The following DLGAP2 variants were observed in gnomAD, a reference collection of about 807,000 sequenced individuals.
The protein encoded by DLGAP2 is disks large-associated protein 2.
A neutral mutation model predicts 100.3 loss-of-function variants in DLGAP2; 26 were observed. That is an observed-to-expected ratio of 0.26 (90% confidence interval 0.19 to 0.36). The LOEUF (loss-of-function observed/expected upper bound fraction) is 0.36. Among genes scored for constraint, DLGAP2 ranks in the 10% least tolerant of loss-of-function variants. The pLI is 1.00. For synonymous variants in DLGAP2, 886 were observed against 630.1 expected (o/e 1.41, Z -6.08); for missense variants, 1,858 against 1,453.2 (o/e 1.28, Z -4.53).
At chr8:857,872 ATTT>A (rs35091275) in intron 1 of DLGAP2, among the ~76,000 whole-genome samples, 4 of 147,544 alleles carry the variant, frequency 2.7e-5, no homozygotes, top group Admixed American at 6.7e-5. Context: ...CTTGCACATG[ATTT>A]TTTTTTTTTT....
chr8:1,683,888 G>C (rs1385044669), intron 12 of DLGAP2, among the ~76,000 whole-genome samples: 2 of 108,726 alleles, frequency 1.8e-5, no homozygotes, highest in Non-Finnish European at 3.6e-5. Context: ...GTGTGTGTGT[G>C]TGTGTGTGTA....
At chr8:825,451 C>T (rs6559193) in intron 1 of DLGAP2, among the ~76,000 whole-genome samples, 39,334 of 152,152 alleles carry the variant, frequency 0.26, 5,589 homozygotes, top group African/African-American at 0.37. Flanking sequence ...TTCCTTCCAG[C>T]GGTGAGTGCC....
intron 2 of DLGAP2, among the ~76,000 whole-genome samples, chr8:1,193,231 C>A (rs1009328214): frequency 6.6e-6 from 1 of 152,120 alleles, no homozygotes; most frequent in African/African-American, 2.4e-5. Flanking sequence ...AGTTCTAGAT[C>A]CTTGAGGAAT....
At chr8:1,502,055 A>T (rs1318550921) in intron 4 of DLGAP2, among the ~76,000 whole-genome samples, 1 of 152,242 alleles carries the variant, frequency 6.6e-6, no homozygotes, top group Non-Finnish European at 1.5e-5. Context: ...AAGATGTGAA[A>T]TGTTGAATAC....
intron 6 of DLGAP2, among the ~76,000 whole-genome samples, chr8:1,587,465 T>C (rs987251911): frequency 1.3e-5 from 2 of 152,242 alleles, no homozygotes; most frequent in African/African-American, 4.8e-5. Context: ...TTCTTAGACC[T>C]ATTTGTTGTT....
chr8:802,587 G>A (rs577868083), intron 1 of DLGAP2, among the ~76,000 whole-genome samples: 1 of 152,290 alleles, frequency 6.6e-6, no homozygotes, highest in Admixed American at 6.5e-5. Flanking sequence ...GCTGCATGGC[G>A]GGGTGGGACC....
chr8:1,122,438 T>A (rs1045694379), intron 2 of DLGAP2, among the ~76,000 whole-genome samples: 2 of 152,218 alleles, frequency 1.3e-5, no homozygotes, highest in Non-Finnish European at 2.9e-5. Flanking sequence ...GGAGCTCTGT[T>A]ACTGCCATCC....
At chr8:1,237,589 G>A (rs1450062755) in intron 2 of DLGAP2, among the ~76,000 whole-genome samples, 3 of 143,522 alleles carry the variant, frequency 2.1e-5, no homozygotes, top group Non-Finnish European at 3.0e-5. Context: ...ACCGTGTCTA[G>A]TTCTCTCACA....
chr8:1,037,339 C>A (rs12681827), intron 2 of DLGAP2, among the ~76,000 whole-genome samples: 3,959 of 152,252 alleles, frequency 0.026, 198 homozygotes, highest in East Asian at 0.14. Context: ...CAAGCTCTTC[C>A]CGCCCCTTCA....
chr8:1,075,956 T>C (rs1210456187), intron 2 of DLGAP2, among the ~76,000 whole-genome samples: 1 of 152,086 alleles, frequency 6.6e-6, no homozygotes, highest in African/African-American at 2.4e-5. Flanking sequence ...CAGGATGGTC[T>C]GGGCCTGAGT....
At chr8:1,243,564 A>G (rs1423155791) in intron 2 of DLGAP2, among the ~76,000 whole-genome samples, 1 of 152,064 alleles carries the variant, frequency 6.6e-6, no homozygotes, top group Non-Finnish European at 1.5e-5. Flanking sequence ...CGCTCACGAT[A>G]TATTACAAAA....
chr8:1,459,663 C>G (rs1798417672), intron 3 of DLGAP2, among the ~76,000 whole-genome samples: 1 of 149,376 alleles, frequency 6.7e-6, no homozygotes, highest in African/African-American at 2.5e-5. Context: ...CCCTCTCTGG[C>G]ATTTTAAATT....
At chr8:1,529,770 G>T (rs764044323) in intron 4 of DLGAP2, among the ~76,000 whole-genome samples, 2 of 152,150 alleles carry the variant, frequency 1.3e-5, no homozygotes, top group East Asian at 3.8e-4. Flanking sequence ...TTCCTTAAGC[G>T]TTGGCCAGCT....
intron 2 of DLGAP2, among the ~76,000 whole-genome samples, chr8:921,068 A>G (rs189515916): frequency 3.3e-5 from 5 of 152,316 alleles, no homozygotes; most frequent in African/African-American, 1.2e-4. Flanking sequence ...TAACTTCGCA[A>G]CTTGATGCAG....
chr8:1,484,912 C>T (rs1023238836), intron 3 of DLGAP2, among the ~76,000 whole-genome samples: 3 of 152,312 alleles, frequency 2.0e-5, no homozygotes, highest in East Asian at 1.9e-4. Flanking sequence ...CCTGCTCTGC[C>T]GTCTCCTTTG....
chr8:1,293,540 AT>A (rs1385876556), intron 3 of DLGAP2, among the ~76,000 whole-genome samples: 11 of 152,182 alleles, frequency 7.2e-5, no homozygotes, highest in Middle Eastern at 3.4e-3. Context: ...TGGGCCTGGA[AT>A]TTTTCGTGAA....
At chr8:1,579,020 G>A (rs902572330) in intron 6 of DLGAP2, among the ~76,000 whole-genome samples, 2 of 152,202 alleles carry the variant, frequency 1.3e-5, no homozygotes, top group Non-Finnish European at 2.9e-5. Flanking sequence ...TAGTGATTGA[G>A]ATACTGGACT....
Position 1,565,675 on chromosome 8 carries a change from G to A in DLGAP2, c.1231-8G>A, listed in dbSNP as rs375315939. 12 of 1,607,176 alleles carry A rather than the reference G, an allele frequency of 7.5e-6. No homozygotes were observed. The highest frequency in any genetic ancestry group is 3.3e-4 in the Middle Eastern group (2 of 6,052). ...GTTGATGCGTGTTTCATGTCTGTCT[G>A]CTCCCAGGTACCTCAGGATGAGTGG... On this transcript the variant is annotated splice_polypyrimidine_tract_variant and splice_region_variant and intron_variant, in intron 5 of 14. Coordinates refer to ENST00000637795, the MANE Select transcript of DLGAP2 (RefSeq NM_001346810.2).
rs11136381 is a variant in DLGAP2, at chr8:1,325,372, C to A, written c.106+66489C>A. On this transcript the variant is annotated intron_variant, in intron 3 of 14. Coordinates refer to ENST00000637795, the MANE Select transcript of DLGAP2 (RefSeq NM_001346810.2). ...CCAGCCATCTGCCTGCAGGGGGCGT[C>A]CTCCCACCTCCAGCAGCCCTGGTCC... 1.1e-3 allele frequency among the ~76,000 whole-genome samples: 161 copies of A among 152,140 alleles called. 1 individual carries two copies. Among genetic ancestry groups the A allele is most frequent in the African/African-American group, 3.6e-3 (151 of 41,514 alleles).
Sources: gnomAD v4.1 joint callset for allele counts (sites outside exome capture counted in the v4.1 genomes callset) on GRCh38, gnomAD v4.1.1 for gene constraint, MANE v1.5 for transcripts, NCBI Gene and HGNC (gene_info 2026-07-23, HGNC 2026-07-21) for gene names.